The following SIAE variants were observed in gnomAD, a reference collection of about 807,000 sequenced individuals.
SIAE encodes the protein sialic acid acetylesterase.
A neutral mutation model predicts 52.6 loss-of-function variants in SIAE; 39 were observed. That is an observed-to-expected ratio of 0.74 (90% CI 0.57 to 0.97). The LOEUF (loss-of-function observed/expected upper bound fraction) is 0.97, where lower values mean the gene tolerates loss of function less well. Among genes scored for constraint, SIAE ranks in the 50% least tolerant of loss-of-function variants. SIAE has a pLI of 0.00. For synonymous variants in SIAE, 233 were observed against 241.4 expected, an observed-to-expected ratio of 0.97 and a Z score of 0.32; for missense variants, 592 against 662.1, an observed-to-expected ratio of 0.89 and a Z score of 1.16.
At chr11:124,638,834 G>A in intron 8 of SIAE, 97 bp from the exon 9 acceptor site, 2 of 977,898 alleles carry the variant, frequency 2.0e-6, no homozygotes, top group Non-Finnish European at 3.2e-6. Flanking sequence ...CTTTATGAAA[G>A]TAAGAATAAA....
Position 124,654,677 on chromosome 11 carries a change from C to A in SIAE, c.522G>T (p.Leu174Phe). ...QELEDLVAVD[L>F]QWSKPTSENL... is the part of the protein sequence containing the mutation. ...TACCTGAGGTGGGCTTAGACCACTG[C>A]AAGTCAACCGCAACAAGGTCCTCCA... Residue 174 changes from leucine (L) to phenylalanine (F), a missense_variant, in exon 4 of 10, where the codon TTG (leucine) becomes TTT (phenylalanine). Physicochemically the swap from Leu to Phe is conservative, Grantham distance 22. Coordinates refer to ENST00000263593, the MANE Select transcript of SIAE (RefSeq NM_170601.5). 6.2e-7 allele frequency: 1 copy of A among 1,614,166 alleles called. No individual in the cohort carries two copies. The highest frequency in any genetic ancestry group is 2.2e-5 in the East Asian group (1 of 44,886).
intron 4 of SIAE, among the ~76,000 whole-genome samples, chr11:124,653,395 A>G (rs889676739): frequency 6.6e-6 from 1 of 152,170 alleles, no homozygotes; most frequent in Non-Finnish European, 1.5e-5. Context: ...GTCCAGGGGG[A>G]ACACAGGGAC....
At chr11:124,672,349 A>G (rs1302525492) in intron 1 of SIAE, among the ~76,000 whole-genome samples, 1 of 152,216 alleles carries the variant, frequency 6.6e-6, no homozygotes, top group Non-Finnish European at 1.5e-5. Context: ...GGCAGGCTCA[A>G]TAGACTGGCA....
upstream of SIAE, chr11:124,675,170 G>A (rs959992278): frequency 4.2e-6 from 6 of 1,426,374 alleles, no homozygotes; most frequent in Admixed American, 1.2e-4. Context: ...ATAATTTGTT[G>A]GCATAGTTGT....
intron 4 of SIAE, 43 bp downstream of exon 4, chr11:124,654,612 T>G (rs1242744875): frequency 5.6e-6 from 9 of 1,613,862 alleles, no homozygotes; most frequent in Non-Finnish European, 7.6e-6. Flanking sequence ...CTTAGGGCGC[T>G]AACCCATTAT....
At chr11:124,666,104 A>G (rs549244110) in intron 2 of SIAE, among the ~76,000 whole-genome samples, 8 of 152,344 alleles carry the variant, frequency 5.3e-5, no homozygotes, top group African/African-American at 1.7e-4. Context: ...GAACCAACCC[A>G]GTACCTGACC....
At chr11:124,672,110 G>A (rs963241281) in intron 1 of SIAE, among the ~76,000 whole-genome samples, 26 of 151,372 alleles carry the variant, frequency 1.7e-4, no homozygotes, top group Admixed American at 1.2e-3. Flanking sequence ...ACGGGGTTTC[G>A]CCATGTTGGC....
At chr11:124,671,802 C>T (rs916817050) in intron 1 of SIAE, among the ~76,000 whole-genome samples, 2 of 152,130 alleles carry the variant, frequency 1.3e-5, no homozygotes, top group Non-Finnish European at 2.9e-5. Context: ...TGCTCTGTCA[C>T]CCAGGCTGGA....
intron 3 of SIAE, 70 bp downstream of exon 3, chr11:124,660,558 C>T (rs754117986): frequency 6.5e-6 from 10 of 1,532,976 alleles, no homozygotes; most frequent in Middle Eastern, 1.7e-4. Context: ...CCTTGTTGCC[C>T]CCTTATTCCT....
intron 3 of SIAE, 144 bp from the exon 4 acceptor site, chr11:124,654,937 TCACCTTGATC>T: frequency 1.1e-6 from 1 of 887,910 alleles, no homozygotes; most frequent in South Asian, 1.4e-5. Flanking sequence ...CTGCACTGAA[TCACCTTGATC>T]CACTTTTACC....
rs948732490 is a variant in SIAE at position 124,656,832 on chromosome 11, C to G, written c.406-2039G>C. On this transcript the variant is annotated intron_variant, in intron 3 of 9. Transcript: ENST00000263593. ...CCGCTTGCCTCAGGGAGCAGGCGCT[C>G]CAGCTGAGTCGGGGCTGCCACAGCA... is the stretch of plus-strand genomic sequence containing the variant. Among the ~76,000 whole-genome samples the G allele has an allele frequency of 3.5e-4, 54 of 152,280 alleles. 1 individual carries two copies. In the Middle Eastern group the frequency reaches 0.01, roughly 29 times the overall value.
chr11:124,638,494 T>C (rs1196462922), intron 9 of SIAE, 48 bp downstream of exon 9: 1 of 1,594,892 alleles, frequency 6.3e-7, no homozygotes, highest in Admixed American at 1.7e-5. Context: ...GAGGAAATCT[T>C]GACTCCACCA....
chr11:124,652,688 G>A (rs531311314), intron 4 of SIAE, among the ~76,000 whole-genome samples: 2 of 133,898 alleles, frequency 1.5e-5, no homozygotes, highest in Non-Finnish European at 3.0e-5. Context: ...AGTGAGACTC[G>A]GTCAAAAAAA....
intron 2 of SIAE, among the ~76,000 whole-genome samples, chr11:124,666,315 T>C (rs1855404717): frequency 6.6e-6 from 1 of 152,190 alleles, no homozygotes; most frequent in Admixed American, 6.5e-5. Context: ...CATTAAAATC[T>C]AAACCAGAAA....
At chr11:124,669,588 A>C in intron 1 of SIAE, 67 bp from the exon 2 acceptor site, 1 of 1,408,612 alleles carries the variant, frequency 7.1e-7, no homozygotes, top group East Asian at 2.3e-5. Context: ...GGATCAAGTG[A>C]AACAGCAAAG....
In SIAE at chr11:124,647,603, G is replaced by A. The variant is rs115378592; in HGVS notation, c.833-105C>T. ...TGCCCTGAGGTAGTGGTCTTCCCAC[G>A]GTCTCTCTGGACTGGTCTTTTTCCA... is the stretch of plus-strand genomic sequence containing the variant. On this transcript the variant is annotated intron_variant, in intron 6 of 9. Transcript: ENST00000263593. The A allele has an allele frequency of 1.2e-3, 1,632 of 1,376,756 alleles. 20 individuals are homozygous for A. In the African/African-American group the frequency reaches 0.021, roughly 18 times the overall value. 85.3% of individuals were successfully genotyped at this position (1,376,756 alleles called of 1,614,324 possible).
At chr11:124,673,746 G>C (rs1179683254), upstream of SIAE, 3 of 1,606,918 alleles carry the variant, frequency 1.9e-6, no homozygotes, top group Admixed American at 5.0e-5. Flanking sequence ...GACTGGGAAA[G>C]TGGGTTCCCG....
upstream of SIAE, chr11:124,675,222 T>C (rs745705757): frequency 1.1e-5 from 17 of 1,591,664 alleles, no homozygotes; most frequent in East Asian, 3.8e-4. Flanking sequence ...GACAGTACTC[T>C]TTAATGAATC....
intron 1 of SIAE, among the ~76,000 whole-genome samples, chr11:124,671,233 T>G (rs925517668): frequency 6.6e-6 from 1 of 152,238 alleles, no homozygotes; most frequent in Admixed American, 6.5e-5. Context: ...AGAAGTATAA[T>G]CATATTACTG....
Sources: allele counts gnomAD v4.1 joint callset (sites outside exome capture counted in the v4.1 genomes callset), GRCh38; gene constraint gnomAD v4.1.1; transcripts MANE v1.5; gene names NCBI Gene and HGNC (gene_info 2026-07-23, HGNC 2026-07-21).